The following DMD variants were observed in gnomAD, a reference collection of about 807,000 sequenced individuals.
DMD encodes the protein mutant dystrophin.
Under a neutral mutation model 330.1 loss-of-function variants are expected in DMD, and 63 were observed. That is an observed-to-expected ratio of 0.19 (90% CI 0.16 to 0.24). The LOEUF (loss-of-function observed/expected upper bound fraction) is 0.24. DMD is among the 10% of genes least tolerant of loss of function. The pLI, the probability that DMD is intolerant of heterozygous loss-of-function variation, is 1.00. For synonymous variants in DMD, 1,223 were observed against 959.8 expected, an observed-to-expected ratio of 1.27 and a Z score of -5.07; for missense variants, 3,344 against 2,684.1, an observed-to-expected ratio of 1.25 and a Z score of -5.43.
chrX:32,362,680 C>T, intron 37 of DMD, 108 bp downstream of exon 37: 3 of 896,444 alleles, frequency 3.3e-6, no homozygotes, highest in South Asian at 2.0e-5. Flanking sequence ...CATTCATTTT[C>T]CTTTTGAAAA....
At chrX:32,136,277 G>T (rs1216698947) in intron 44 of DMD, among the ~76,000 whole-genome samples, 4 of 112,109 alleles carry the variant, frequency 3.6e-5, no homozygotes, top group African/African-American at 1.3e-4. Flanking sequence ...AGGCACTGTT[G>T]GTGTGTCCCA....
intron 1 of DMD, among the ~76,000 whole-genome samples, chrX:33,028,485 G>A (rs1333238061): frequency 8.9e-6 from 1 of 111,819 alleles, no homozygotes; most frequent in Non-Finnish European, 1.9e-5. Context: ...TATCGATTAG[G>A]CCTGTTGGCA....
intron 44 of DMD, chrX:32,206,158 G>T: frequency 1.9e-6 from 1 of 514,829 alleles, no homozygotes; most frequent in Non-Finnish European, 3.5e-6. Flanking sequence ...TCCCTTGAGG[G>T]CTTTGAAATA....
intron 6 of DMD, among the ~76,000 whole-genome samples, chrX:32,812,243 T>TAA (rs2077421400): frequency 9.0e-6 from 1 of 111,241 alleles, no homozygotes; most frequent in East Asian, 2.8e-4. Flanking sequence ...GACTCCTGTT[T>TAA]AAGAGCTCAT....
chrX:32,499,010 T>A (rs1474662779), intron 19 of DMD, among the ~76,000 whole-genome samples: 1 of 112,051 alleles, frequency 8.9e-6, no homozygotes, highest in African/African-American at 3.2e-5. Context: ...ATGTTGAATC[T>A]TCAATGCTTC....
chrX:31,338,705 G>A (rs2057544696), intron 61 of DMD, among the ~76,000 whole-genome samples: 1 of 110,532 alleles, frequency 9.0e-6, no homozygotes. Flanking sequence ...TAAGGCTAGG[G>A]TGAGCAACTA....
intron 55 of DMD, among the ~76,000 whole-genome samples, chrX:31,598,035 A>G (rs928048888): frequency 2.7e-5 from 3 of 111,703 alleles, no homozygotes; most frequent in African/African-American, 9.8e-5. Context: ...CAAGCACTAC[A>G]CAAATGGTTG....
intron 2 of DMD, among the ~76,000 whole-genome samples, chrX:32,983,584 C>A (rs2092766257): frequency 1.0e-5 from 1 of 100,150 alleles, no homozygotes; most frequent in African/African-American, 3.8e-5. Flanking sequence ...CATATAGGAA[C>A]ACCGAGAGAA....
intron 1 of DMD, among the ~76,000 whole-genome samples, chrX:33,040,610 G>T (rs1238985907): frequency 1.8e-5 from 2 of 110,912 alleles, no homozygotes; most frequent in African/African-American, 6.6e-5. Flanking sequence ...GTAGTGTTCT[G>T]AAGGTTGCTA....
intron 45 of DMD, among the ~76,000 whole-genome samples, chrX:31,937,366 G>C (rs1187270634): frequency 9.0e-6 from 1 of 111,447 alleles, no homozygotes; most frequent in Non-Finnish European, 1.9e-5. Flanking sequence ...CACTTAAACA[G>C]TAAAAGCTTT....
At chrX:32,547,774 C>T (rs2049124644) in intron 16 of DMD, among the ~76,000 whole-genome samples, 1 of 111,162 alleles carries the variant, frequency 9.0e-6, no homozygotes, top group East Asian at 2.8e-4. Flanking sequence ...TTACAGAGCT[C>T]ACTACTCCCT....
intron 2 of DMD, among the ~76,000 whole-genome samples, chrX:32,876,123 C>T (rs111709036): frequency 0.043 from 4,793 of 111,395 alleles, 96 homozygotes; most frequent in Middle Eastern, 0.097. Context: ...AAATACAAAT[C>T]ACTTCCCCAT....
intron 72 of DMD, 49 bp downstream of exon 72, chrX:31,173,490 G>C (rs930105996): frequency 1.7e-6 from 2 of 1,144,743 alleles, no homozygotes; most frequent in Non-Finnish European, 2.4e-6. Context: ...AGCTTTCCTT[G>C]GTTAGTTATT....
chrX:31,682,473 A>T (rs1027808765), intron 52 of DMD, among the ~76,000 whole-genome samples: 2 of 111,993 alleles, frequency 1.8e-5, no homozygotes, highest in Non-Finnish European at 3.8e-5. Flanking sequence ...TGGTTTATAA[A>T]ATAAATGGTG....
At chrX:32,203,883 T>G (rs772474671) in intron 44 of DMD, among the ~76,000 whole-genome samples, 1 of 111,843 alleles carries the variant, frequency 8.9e-6, no homozygotes, top group East Asian at 2.8e-4. Context: ...TAATAACAAC[T>G]CCTTTTAACA....
At chrX:32,555,557 C>A (rs1159527343) in intron 16 of DMD, among the ~76,000 whole-genome samples, 1 of 111,486 alleles carries the variant, frequency 9.0e-6, no homozygotes, top group Non-Finnish European at 1.9e-5. Flanking sequence ...TGTCTCAGCC[C>A]AAAAGCTAAG....
intron 1 of DMD, among the ~76,000 whole-genome samples, chrX:33,201,798 C>G (rs2148830164): frequency 8.9e-6 from 1 of 112,483 alleles, no homozygotes; most frequent in Non-Finnish European, 1.9e-5. Flanking sequence ...CAGTTCTTAG[C>G]TTTTTGTTCA....
At chrX:32,433,713 A>C (rs1406969212) in intron 29 of DMD, among the ~76,000 whole-genome samples, 1 of 111,923 alleles carries the variant, frequency 8.9e-6, no homozygotes, top group Non-Finnish European at 1.9e-5. Context: ...ACCACCATGT[A>C]TCATAAGGCT....
At chrX:32,922,620 C>T (rs1458660439) in intron 2 of DMD, among the ~76,000 whole-genome samples, 2 of 112,199 alleles carry the variant, frequency 1.8e-5, no homozygotes, top group East Asian at 2.8e-4. Flanking sequence ...ATAGGGTTCT[C>T]GCTCCTATGA....
Sources: gnomAD v4.1 joint callset for allele counts (sites outside exome capture counted in the v4.1 genomes callset) on GRCh38, gnomAD v4.1.1 for gene constraint, MANE v1.5 for transcripts, NCBI Gene and HGNC (gene_info 2026-07-23, HGNC 2026-07-21) for gene names.